NBEA: variants seen among roughly 807,000 people sequenced by gnomAD.
The protein encoded by NBEA is neurobeachin, also known as lysosomal-trafficking regulator 2.
NBEA carries 44 observed loss-of-function variants against 343.4 expected under a neutral mutation model. That is an observed-to-expected ratio of 0.13 (90% CI 0.10 to 0.16). NBEA has a LOEUF of 0.16. NBEA is among the 10% of genes least tolerant of loss of function. The pLI, the probability that NBEA is intolerant of heterozygous loss-of-function variation, is 1.00. For missense variants in NBEA, 2,555 were observed against 3,631.3 expected (o/e 0.70, Z 7.62); for synonymous variants, 1,175 against 1,238.7 (o/e 0.95, Z 1.08).
intron 40 of NBEA, 150 bp from the exon 41 acceptor site, chr13:35,472,250 T>G (rs2075684029): frequency 5.3e-6 from 4 of 757,584 alleles, no homozygotes; most frequent in African/African-American, 5.3e-5. Flanking sequence ...TAAGTAGTCC[T>G]TATCTTACGT....
At chr13:35,367,839 A>T (rs2183212) in intron 38 of NBEA, among the ~76,000 whole-genome samples, 4 of 151,144 alleles carry the variant, frequency 2.6e-5, no homozygotes, top group Non-Finnish European at 5.9e-5. Context: ...GACTTATCCA[A>T]CTGAATAAGC....
intron 10 of NBEA, among the ~76,000 whole-genome samples, chr13:35,073,909 T>G (rs1329130460): frequency 1.3e-5 from 2 of 152,248 alleles, no homozygotes; most frequent in African/African-American, 4.8e-5. Context: ...ACCACTGCTC[T>G]TCAGCCTGGG....
intron 12 of NBEA, among the ~76,000 whole-genome samples, 156 bp from the exon 13 acceptor site, chr13:35,110,650 TATAA>T: frequency 6.6e-6 from 1 of 152,254 alleles, no homozygotes. Flanking sequence ...ATTTTTTAAA[TATAA>T]ATAATATTGA....
intron 11 of NBEA, among the ~76,000 whole-genome samples, chr13:35,099,087 A>G (rs1474722406): frequency 7.0e-6 from 1 of 143,864 alleles, no homozygotes; most frequent in Non-Finnish European, 1.5e-5. Flanking sequence ...GTGCAGTGGC[A>G]TGATCTTGGC....
At chr13:35,539,942 A>AAAAAAAAAAAAT (rs1566289232) in intron 41 of NBEA, among the ~76,000 whole-genome samples, 35 of 147,698 alleles carry the variant, frequency 2.4e-4, no homozygotes, top group Non-Finnish European at 3.3e-4. Context: ...AAAAAAAAAA[A>AAAAAAAAAAAAT]GTGCACTAGT....
intron 34 of NBEA, among the ~76,000 whole-genome samples, chr13:35,277,622 C>CAAAAAA (rs10603160): frequency 2.0e-5 from 1 of 49,902 alleles, no homozygotes; most frequent in African/African-American, 7.7e-5. Flanking sequence ...ACTCCGTCTC[C>CAAAAAA]AAAAAAAAAA....
chr13:34,962,547 C>T (rs541953282), intron 1 of NBEA, among the ~76,000 whole-genome samples: 7 of 152,110 alleles, frequency 4.6e-5, no homozygotes, highest in South Asian at 4.1e-4. Flanking sequence ...AAATTGAAAA[C>T]GTTACAGAGT....
chr13:35,194,634 A>G (rs1206806433), intron 30 of NBEA, among the ~76,000 whole-genome samples: 1 of 152,108 alleles, frequency 6.6e-6, no homozygotes, highest in Non-Finnish European at 1.5e-5. Flanking sequence ...GCTTAATGGT[A>G]TCTTACTTTA....
Position 35,671,222 on chromosome 13 carries a change from A to G in NBEA, c.*231A>G, listed in dbSNP as rs921136856. On this transcript the variant is annotated 3_prime_UTR_variant, in exon 59 of 59. Coordinates refer to ENST00000379939, the MANE Select transcript of NBEA (RefSeq NM_001385012.1). Reference sequence around the variant, plus strand: ...TTATATCATGTAAATTATATGAATTAGGAGATGTTTTGGTAATTATTTCAT... The same window carrying G: ...TTATATCATGTAAATTATATGAATTGGGAGATGTTTTGGTAATTATTTCAT... 8 of 422,534 alleles carry G rather than the reference A, an allele frequency of 1.9e-5. No individual in the cohort carries two copies. The highest frequency in any genetic ancestry group is 3.4e-5 in the Non-Finnish European group (8 of 232,842). The allele number at this position is 422,534 out of a possible 1,614,324, so 26.2% of individuals were successfully genotyped here. A position where few individuals can be genotyped will look rare whatever the true frequency, so the allele number is the denominator to read the frequency against.
intron 10 of NBEA, among the ~76,000 whole-genome samples, chr13:35,089,267 C>T (rs1322304890): frequency 7.0e-6 from 1 of 141,866 alleles, no homozygotes; most frequent in Non-Finnish European, 1.5e-5. Flanking sequence ...ACAGACACTT[C>T]TCAAAAGAAG....
chr13:35,578,912 C>CCTA (rs1236269006), intron 45 of NBEA, among the ~76,000 whole-genome samples: 1 of 151,200 alleles, frequency 6.6e-6, no homozygotes, highest in Admixed American at 6.6e-5. Context: ...TTCCATATAG[C>CCTA]CTACAGGTCA....
At chr13:35,655,963 C>T (rs1288433360) in intron 55 of NBEA, among the ~76,000 whole-genome samples, 1 of 152,116 alleles carries the variant, frequency 6.6e-6, no homozygotes, top group Non-Finnish European at 1.5e-5. Flanking sequence ...CAGATCCCCT[C>T]ACCAGTCCCC....
In NBEA at chr13:35,173,613, T is replaced by C. The variant is rs986559344; in HGVS notation, c.4554+19T>C. 1 of 1,589,850 alleles carries C rather than the reference T, an allele frequency of 6.3e-7. No individual in the cohort carries two copies. The highest frequency in any genetic ancestry group is 8.6e-7 in the Non-Finnish European group (1 of 1,169,222). ...TTCGAAGGTAAGTAAACTTTTTTTC[T>C]TGGCCAAATATAATTTACCTGAAAA... On this transcript the variant is annotated intron_variant, in intron 27 of 58. Coordinates refer to ENST00000379939, the MANE Select transcript of NBEA (RefSeq NM_001385012.1).
At chr13:35,404,225 C>A (rs914361833) in intron 38 of NBEA, among the ~76,000 whole-genome samples, 8 of 152,124 alleles carry the variant, frequency 5.3e-5, no homozygotes, top group Admixed American at 2.6e-4. Context: ...ACTAGAAATA[C>A]CATTTGACCC....
intron 36 of NBEA, among the ~76,000 whole-genome samples, chr13:35,343,651 C>G (rs2039714417): frequency 6.6e-6 from 1 of 152,076 alleles, no homozygotes; most frequent in Non-Finnish European, 1.5e-5. Flanking sequence ...AGCTCCGCCT[C>G]CTGTCAGATC....
chr13:35,622,725 C>T (rs1356552522), intron 48 of NBEA, among the ~76,000 whole-genome samples: 1 of 152,016 alleles, frequency 6.6e-6, no homozygotes, highest in Admixed American at 6.6e-5. Context: ...TTTTTAATCT[C>T]AAAAGCAGAT....
intron 10 of NBEA, among the ~76,000 whole-genome samples, chr13:35,084,760 C>CA (rs1223158821): frequency 6.6e-6 from 1 of 151,910 alleles, no homozygotes; most frequent in Non-Finnish European, 1.5e-5. Flanking sequence ...AATAGAGACA[C>CA]AAAAAACCCT....
rs1218432802 is a variant in NBEA, at chr13:35,041,008, C to T, written c.370C>T (p.Leu124Phe). Residue 124 changes from leucine to phenylalanine, a missense_variant, in exon 2 of 59, where the codon CTT (leucine) becomes TTT (phenylalanine). Transcript: ENST00000379939. ...TGAGAGTATAACATGTATGACAGAG[C>T]TTTTGGAGCACTGTGATGTAACATG... is the stretch of plus-strand genomic sequence containing the variant. Reference protein sequence around the residue: ...DAESITCMTELLEHCDVTCQA... With the variant: ...DAESITCMTEFLEHCDVTCQA... The T allele has an allele frequency of 6.2e-7, 1 of 1,613,032 alleles. No homozygotes were observed. The highest frequency in any genetic ancestry group is 8.5e-7 in the Non-Finnish European group (1 of 1,179,420).
At chr13:35,225,833 A>G (rs774432085) in intron 33 of NBEA, among the ~76,000 whole-genome samples, 1 of 152,092 alleles carries the variant, frequency 6.6e-6, no homozygotes, top group Non-Finnish European at 1.5e-5. Context: ...TAGCAACCTC[A>G]GCTCTCTGAT....
Sources: gnomAD v4.1 joint callset for allele counts (sites outside exome capture counted in the v4.1 genomes callset) on GRCh38, gnomAD v4.1.1 for gene constraint, MANE v1.5 for transcripts, NCBI Gene and HGNC (gene_info 2026-07-23, HGNC 2026-07-21) for gene names.